Variants in GIGYF2 observed in about 807,000 individuals in gnomAD.
The protein encoded by GIGYF2 is GRB10-interacting GYF protein 2.
In GIGYF2, 25 loss-of-function variants were observed where a neutral mutation model predicts 208.1. The observed-to-expected ratio is 0.12, with a 90% CI of 0.09 to 0.17. The LOEUF (loss-of-function observed/expected upper bound fraction) is 0.17. Among genes scored for constraint, GIGYF2 ranks in the 10% least tolerant of loss-of-function variants. GIGYF2 has a pLI of 1.00. For missense variants in GIGYF2, 1,302 were observed against 1,579.4 expected, an observed-to-expected ratio of 0.82 and a Z score of 2.98; for synonymous variants, 534 against 543.8, an observed-to-expected ratio of 0.98 and a Z score of 0.25.
At chr2:232,730,242 C>G (rs1697401054) in intron 2 of GIGYF2, 1 of 943,794 alleles carries the variant, frequency 1.1e-6, no homozygotes, top group Non-Finnish European at 1.7e-6. Context: ...AGAAAGAGCT[C>G]AAGTTGTGGG....
At chr2:232,785,197 C>T (rs751806066) in intron 8 of GIGYF2, among the ~76,000 whole-genome samples, 1 of 152,086 alleles carries the variant, frequency 6.6e-6, no homozygotes, top group Non-Finnish European at 1.5e-5. Context: ...ATTCCAGACA[C>T]GTCCTGCAGG....
chr2:232,859,076 C>T lies in GIGYF2; in HGVS notation c.*2216C>T, dbSNP rs560265928. Reference sequence around the variant, plus strand: ...TTTGCTTAACCAAGGAGACTTGCTTCTATCTGAGGAATTTCCCACTTAGTA... The same window carrying T: ...TTTGCTTAACCAAGGAGACTTGCTTTTATCTGAGGAATTTCCCACTTAGTA... On this transcript the variant is annotated 3_prime_UTR_variant, in exon 29 of 29. Transcript: ENST00000373563. The T allele has an allele frequency of 1.3e-5, 2 of 152,482 alleles. No individual in the cohort carries two copies. Among genetic ancestry groups the T allele is most frequent in the East Asian group, 1.9e-4 (1 of 5,178 alleles). The allele number at this position is 152,482 out of a possible 1,614,324, so 9.4% of individuals were successfully genotyped here.
intron 2 of GIGYF2, among the ~76,000 whole-genome samples, chr2:232,705,145 C>T (rs1401354756): frequency 6.6e-6 from 1 of 152,020 alleles, no homozygotes; most frequent in African/African-American, 2.4e-5. Flanking sequence ...AGGCGTGAGC[C>T]ACCGCGCCCG....
intron 2 of GIGYF2, among the ~76,000 whole-genome samples, chr2:232,721,954 A>G (rs1002717593): frequency 1.3e-5 from 2 of 152,100 alleles, no homozygotes; most frequent in East Asian, 1.9e-4. Context: ...GGCATTACCA[A>G]CATCTTAAAT....
At chr2:232,716,892 A>G (rs577266901) in intron 2 of GIGYF2, among the ~76,000 whole-genome samples, 417 of 151,578 alleles carry the variant, frequency 2.8e-3, no homozygotes, top group African/African-American at 9.7e-3. Flanking sequence ...TGCTGCCTCA[A>G]CCTCCTGGGC....
In GIGYF2 at chr2:232,844,391, T is replaced by C. The variant is rs754778164; in HGVS notation, c.3122T>C (p.Ile1041Thr). 15 of 1,613,592 alleles carry C rather than the reference T, an allele frequency of 9.3e-6. No homozygotes were observed. The highest frequency in any genetic ancestry group is 1.3e-5 in the Non-Finnish European group (15 of 1,179,474). Residue 1041 changes from isoleucine to threonine, a missense_variant, in exon 25 of 29, where the codon ATT (isoleucine) becomes ACT (threonine). Physicochemically the swap from Ile to Thr is moderately conservative, Grantham distance 89. Around this residue, in one of 8 missense-constraint regions of GIGYF2, gnomAD observed 701 missense variants for 793.0 expected, o/e 0.88. Transcript: ENST00000373563. The part of the protein sequence containing the change: ...NNTHSNLHTS[I>T]GNSVWGSINT... Reference sequence around the variant, plus strand: ...CAGCATTCCAACCTGCACACCAGCATTGGGAATTCTGTTTGGGGCTCTATA... The same window carrying C: ...CAGCATTCCAACCTGCACACCAGCACTGGGAATTCTGTTTGGGGCTCTATA...
intron 1 of GIGYF2, among the ~76,000 whole-genome samples, chr2:232,701,512 C>G (rs1695843380): frequency 6.6e-6 from 1 of 151,136 alleles, no homozygotes. Flanking sequence ...TGACTGTAAC[C>G]TCAATCTCCC....
In GIGYF2 at chr2:232,859,960, A is replaced by G. The variant is rs1370692905; in HGVS notation, c.*3100A>G. 6.6e-6 allele frequency: 1 copy of G among 151,650 alleles called. No homozygotes were observed. The highest frequency in any genetic ancestry group is 1.5e-5 in the Non-Finnish European group (1 of 67,944). 9.4% of individuals were successfully genotyped at this position (151,650 alleles called of 1,614,324 possible). On this transcript the variant is annotated 3_prime_UTR_variant, in exon 29 of 29. Coordinates refer to ENST00000373563, the MANE Select transcript of GIGYF2 (RefSeq NM_001103146.3). ...GTTGCATCAAAGTAGTCACAAACCC[A>G]CTCAGATTCAAGAGAAGGGAGCATG...
At chr2:232,782,997 A>G (rs944921348) in intron 8 of GIGYF2, among the ~76,000 whole-genome samples, 3 of 152,162 alleles carry the variant, frequency 2.0e-5, no homozygotes, top group Non-Finnish European at 4.4e-5. Flanking sequence ...GTGTACTTTT[A>G]AAAAATGTTT....
chr2:232,720,509 C>T (rs1001714764), intron 2 of GIGYF2, among the ~76,000 whole-genome samples: 1 of 151,888 alleles, frequency 6.6e-6, no homozygotes, highest in African/African-American at 2.4e-5. Flanking sequence ...CCTTGAGGAA[C>T]TGCCACACTG....
chr2:232,847,562 A>G lies in GIGYF2; in HGVS notation c.3675A>G (p.Pro1225=), dbSNP rs767740036. 1 of 1,579,860 alleles carries G rather than the reference A, an allele frequency of 6.3e-7. No individual in the cohort carries two copies. The highest frequency in any genetic ancestry group is 1.1e-5 in the South Asian group (1 of 89,960). Residue 1225 remains proline, a synonymous_variant, in exon 27 of 29, where the codon CCA becomes CCG. Coordinates refer to ENST00000373563, the MANE Select transcript of GIGYF2 (RefSeq NM_001103146.3). ...CGCCACAGCAGCCGCCACAGCAGCC[A>G]CAACAGCAGGTATAAAGTAGTGTGG... ...QQPPQQPPQQ[P]QQQDSVWGMN...
intron 9 of GIGYF2, among the ~76,000 whole-genome samples, chr2:232,789,734 A>G (rs1700015068): frequency 6.6e-6 from 1 of 152,142 alleles, no homozygotes; most frequent in South Asian, 2.1e-4. Context: ...CCCCACAGAG[A>G]AAGCAGTCAA....
chr2:232,707,144 G>C (rs904538274), intron 2 of GIGYF2, among the ~76,000 whole-genome samples: 1 of 152,012 alleles, frequency 6.6e-6, no homozygotes, highest in Non-Finnish European at 1.5e-5. Context: ...TGTTTATATT[G>C]TTCAGAAACA....
At chr2:232,760,297 T>G in intron 6 of GIGYF2, 183 bp from the exon 7 acceptor site, 1 of 588,772 alleles carries the variant, frequency 1.7e-6, no homozygotes. Flanking sequence ...CAGCCTCTTG[T>G]GGTCCAGCTA....
chr2:232,780,878 T>G (rs539938183), intron 8 of GIGYF2, among the ~76,000 whole-genome samples: 1 of 152,362 alleles, frequency 6.6e-6, no homozygotes. Context: ...TTGGAATTTT[T>G]AGACGTGAAG....
chr2:232,813,587 G>C (rs1700807969), intron 18 of GIGYF2, among the ~76,000 whole-genome samples: 2 of 152,140 alleles, frequency 1.3e-5, no homozygotes, highest in Non-Finnish European at 2.9e-5. Flanking sequence ...AGAGATTATA[G>C]TTGGTGTTGA....
intron 21 of GIGYF2, among the ~76,000 whole-genome samples, chr2:232,827,184 C>T (rs575882393): frequency 3.6e-5 from 5 of 138,630 alleles, no homozygotes; most frequent in African/African-American, 1.3e-4. Flanking sequence ...CTAGGGCCCT[C>T]GGGATTTTCA....
chr2:232,775,098 G>C (rs988191057), intron 8 of GIGYF2, among the ~76,000 whole-genome samples: 1 of 151,870 alleles, frequency 6.6e-6, no homozygotes, highest in African/African-American at 2.4e-5. Flanking sequence ...TGCTGGATTT[G>C]GTTTGGATTG....
At chr2:232,747,363 T>C (rs964009405) in intron 3 of GIGYF2, among the ~76,000 whole-genome samples, 5 of 152,162 alleles carry the variant, frequency 3.3e-5, no homozygotes, top group African/African-American at 1.2e-4. Context: ...TCTCTAAGCT[T>C]CTGGGGGACA....
Sources: allele counts gnomAD v4.1 joint callset (sites outside exome capture counted in the v4.1 genomes callset), GRCh38; gene constraint gnomAD v4.1.1; regional missense constraint gnomAD v4.1.1; transcripts MANE v1.5; gene names NCBI Gene and HGNC (gene_info 2026-07-23, HGNC 2026-07-21).